KCNIP4: variants seen among roughly 807,000 people sequenced by gnomAD.
KCNIP4 encodes Kv channel-interacting protein 4.
A neutral mutation model predicts 34.0 loss-of-function variants in KCNIP4; 12 were observed. That is an observed-to-expected ratio of 0.35 (90% CI 0.23 to 0.57). The LOEUF (loss-of-function observed/expected upper bound fraction) is 0.57. KCNIP4 is among the 20% of genes least tolerant of loss of function. The pLI is 0.83. For synonymous variants in KCNIP4, 124 were observed against 102.2 expected (o/e 1.21, Z -1.29); for missense variants, 238 against 311.7 (o/e 0.76, Z 1.78).
At chr4:20,781,731 G>A (rs1412278371) in intron 3 of KCNIP4, among the ~76,000 whole-genome samples, 1 of 152,128 alleles carries the variant, frequency 6.6e-6, no homozygotes, top group African/African-American at 2.4e-5. Flanking sequence ...TTCAAGATGA[G>A]ATTTGGGTGG....
intron 1 of KCNIP4, among the ~76,000 whole-genome samples, chr4:21,030,135 G>C (rs976051909): frequency 6.6e-6 from 1 of 152,262 alleles, no homozygotes; most frequent in East Asian, 1.9e-4. Context: ...AGCAAGCAAA[G>C]TTTCTTCTGT....
At chr4:21,724,790 T>C (rs1483251399) in intron 1 of KCNIP4, among the ~76,000 whole-genome samples, 4 of 152,082 alleles carry the variant, frequency 2.6e-5, no homozygotes. Flanking sequence ...ATTAAATATC[T>C]TCTGCTCAGT....
At chr4:21,441,386 G>A (rs571869498) in intron 1 of KCNIP4, among the ~76,000 whole-genome samples, 11 of 151,736 alleles carry the variant, frequency 7.2e-5, no homozygotes, top group South Asian at 4.2e-4. Flanking sequence ...CTCGTGATCC[G>A]CCCGTCTCGG....
At chr4:20,977,615 C>A (rs1187263345) in intron 1 of KCNIP4, among the ~76,000 whole-genome samples, 1 of 152,100 alleles carries the variant, frequency 6.6e-6, no homozygotes, top group Non-Finnish European at 1.5e-5. Context: ...AGTCCCCAGA[C>A]TAATCAGTAT....
intron 1 of KCNIP4, among the ~76,000 whole-genome samples, chr4:21,746,974 A>T (rs1189000951): frequency 6.6e-6 from 1 of 152,204 alleles, no homozygotes; most frequent in Non-Finnish European, 1.5e-5. Context: ...TCCAAAAAGC[A>T]ATATGCATTC....
chr4:21,142,344 G>T (rs546570489), intron 1 of KCNIP4, among the ~76,000 whole-genome samples: 1 of 152,132 alleles, frequency 6.6e-6, no homozygotes, highest in Non-Finnish European at 1.5e-5. Context: ...CCAGTGAGAG[G>T]TGATGAATTG....
chr4:21,809,746 C>T (rs893651896), intron 1 of KCNIP4, among the ~76,000 whole-genome samples: 2 of 152,172 alleles, frequency 1.3e-5, no homozygotes, highest in Admixed American at 6.5e-5. Context: ...TAACTCTACA[C>T]ATGAACTTTA....
chr4:21,299,939 T>C lies in KCNIP4; in HGVS notation c.62-417230A>G, dbSNP rs184754247. On this transcript the variant is annotated intron_variant, in intron 1 of 8. Coordinates refer to ENST00000382152, the MANE Select transcript of KCNIP4 (RefSeq NM_025221.6). ...TATTTGCTAAATAAGGTGAGTTGAA[T>C]AAATACAAAAGACAGCCTAGTCCTT... is the stretch of plus-strand genomic sequence containing the variant. Among the ~76,000 whole-genome samples, 1,058 of 152,286 alleles carry C rather than the reference T, an allele frequency of 6.9e-3. 5 individuals are homozygous for C. Among genetic ancestry groups the C allele is most frequent in the Non-Finnish European group, 0.011 (733 of 68,016 alleles).
intron 1 of KCNIP4, among the ~76,000 whole-genome samples, chr4:21,835,186 G>A (rs151252870): frequency 2.6e-5 from 4 of 152,148 alleles, no homozygotes; most frequent in African/African-American, 9.6e-5. Flanking sequence ...GACACAAAAT[G>A]TAAACTATGA....
At chr4:21,840,377 T>C (rs1186434297) in intron 1 of KCNIP4, among the ~76,000 whole-genome samples, 1 of 152,092 alleles carries the variant, frequency 6.6e-6, no homozygotes, top group Non-Finnish European at 1.5e-5. Flanking sequence ...ACAAATGCCT[T>C]TTATTTTATG....
intron 3 of KCNIP4, among the ~76,000 whole-genome samples, chr4:20,832,881 C>T (rs896012404): frequency 1.3e-5 from 2 of 152,128 alleles, no homozygotes; most frequent in Non-Finnish European, 2.9e-5. Flanking sequence ...ATTATCTGCT[C>T]TAGTGAACTG....
chr4:21,357,056 T>C (rs1478674114), intron 1 of KCNIP4, among the ~76,000 whole-genome samples: 1 of 151,934 alleles, frequency 6.6e-6, no homozygotes, highest in Non-Finnish European at 1.5e-5. Context: ...ACAAAAAGTA[T>C]AAATGGGTAA....
Position 20,860,692 on chromosome 4 carries a change from G to T in KCNIP4, c.164-10025C>A, listed in dbSNP as rs116461758. Among the ~76,000 whole-genome samples, 1,365 of 152,184 alleles carry T rather than the reference G, an allele frequency of 9.0e-3. 27 individuals are homozygous for T. Among genetic ancestry groups the T allele is most frequent in the African/African-American group, 0.032 (1,312 of 41,540 alleles). The stretch of plus-strand genomic sequence containing the variant: ...ATCCATATGGCAATAACATAATGAG[G>T]ATGATCACTTTCTAATGATATCTTA... On this transcript the variant is annotated intron_variant, in intron 2 of 8. Coordinates refer to ENST00000382152, the MANE Select transcript of KCNIP4 (RefSeq NM_025221.6).
chr4:21,769,565 T>C (rs1214048247), intron 1 of KCNIP4, among the ~76,000 whole-genome samples: 1 of 152,136 alleles, frequency 6.6e-6, no homozygotes, highest in African/African-American at 2.4e-5. Flanking sequence ...AAGGAAACTG[T>C]TCGAATTCCC....
At chr4:21,927,251 C>T (rs1729299948) in intron 1 of KCNIP4, among the ~76,000 whole-genome samples, 1 of 152,116 alleles carries the variant, frequency 6.6e-6, no homozygotes, top group Non-Finnish European at 1.5e-5. Flanking sequence ...GGATAATTGT[C>T]CCATATCAAG....
chr4:21,182,489 G>A (rs1466959443), intron 1 of KCNIP4, among the ~76,000 whole-genome samples: 1 of 148,488 alleles, frequency 6.7e-6, no homozygotes, highest in Non-Finnish European at 1.5e-5. Flanking sequence ...ATACATTTAA[G>A]GGGTACAAGT....
chr4:21,128,182 A>G lies in KCNIP4; in HGVS notation c.62-245473T>C, dbSNP rs115615934. On this transcript the variant is annotated intron_variant, in intron 1 of 8. Coordinates refer to ENST00000382152, the MANE Select transcript of KCNIP4 (RefSeq NM_025221.6). ...GGAGAAACCAGAACAGCTTGAAAACACAATAAAGTACAACAGCTTTCATAG... is the reference window on the plus strand; with the variant it reads ...GGAGAAACCAGAACAGCTTGAAAACGCAATAAAGTACAACAGCTTTCATAG... 3.1e-3 allele frequency among the ~76,000 whole-genome samples: 468 copies of G among 152,350 alleles called. 2 individuals carry two copies. Among genetic ancestry groups the G allele is most frequent in the African/African-American group, 0.011 (445 of 41,594 alleles).
chr4:20,738,628 A>G (rs1750281601), intron 5 of KCNIP4, among the ~76,000 whole-genome samples: 1 of 152,232 alleles, frequency 6.6e-6, no homozygotes, highest in South Asian at 2.1e-4. Context: ...GAATCCCCCC[A>G]AGATGGCTAC....
At chr4:21,900,771 T>C (rs2108967541) in intron 1 of KCNIP4, among the ~76,000 whole-genome samples, 1 of 152,314 alleles carries the variant, frequency 6.6e-6, no homozygotes, top group South Asian at 2.1e-4. Context: ...CCCTGCCATA[T>C]TTCTATTTGA....
Sources: gnomAD v4.1 joint callset for allele counts (sites outside exome capture counted in the v4.1 genomes callset) on GRCh38, gnomAD v4.1.1 for gene constraint, MANE v1.5 for transcripts, NCBI Gene and HGNC (gene_info 2026-07-23, HGNC 2026-07-21) for gene names.